Variants in PLEKHA7 observed in about 807,000 individuals in gnomAD.
The protein encoded by PLEKHA7 is pleckstrin homology domain-containing family A member 7.
PLEKHA7 carries 104 observed loss-of-function variants against 170.0 expected under a neutral mutation model. The ratio of observed to expected loss-of-function variants is 0.61; its 90% CI spans 0.52 to 0.72. PLEKHA7 has a LOEUF of 0.72. PLEKHA7 is among the 30% of genes least tolerant of loss of function. The probability of loss-of-function intolerance (pLI) is 0.00; values close to 1 mark genes in which losing one functional copy is unlikely to be tolerated. For synonymous variants in PLEKHA7, 648 were observed against 660.8 expected (o/e 0.98, Z 0.30); for missense variants, 1,615 against 1,671.7 (o/e 0.97, Z 0.59).
chr11:16,823,781 G>T (rs1307209369), intron 10 of PLEKHA7, among the ~76,000 whole-genome samples: 1 of 152,090 alleles, frequency 6.6e-6, no homozygotes, highest in Non-Finnish European at 1.5e-5. Flanking sequence ...TAACCGTCCA[G>T]TTGCTCAAGT....
intron 3 of PLEKHA7, among the ~76,000 whole-genome samples, chr11:16,950,424 G>A (rs895413540): frequency 5.9e-5 from 9 of 152,174 alleles, no homozygotes; most frequent in South Asian, 4.2e-4. Context: ...GAAACAAAGG[G>A]ATAAGAAGGC....
In PLEKHA7 at chr11:16,816,981, C is replaced by T. The variant is rs751582111; in HGVS notation, c.1685G>A (p.Arg562His). The T allele has an allele frequency of 5.6e-6, 9 of 1,607,418 alleles. No individual in the cohort carries two copies. Among genetic ancestry groups the T allele is most frequent in the Non-Finnish European group, 6.8e-6 (8 of 1,176,672 alleles). The change falls in exon 11 of 27, where the codon CGC becomes CAC. Residue 562 changes from arginine (R) to histidine (H), a missense_variant. By Grantham distance (29) the Arg-to-His change is conservative. Coordinates refer to ENST00000531066, the MANE Select transcript of PLEKHA7 (RefSeq NM_001329630.2). Reference protein sequence around the residue: ...GRSRSMLEVPRSISVPPSPSD... With the variant: ...GRSRSMLEVPHSISVPPSPSD... ...GGGAGATGGAGGCACAGAGATGGAGCGGGGCACCTCTAGCATGCTCCTGCT... is the reference window on the plus strand; with the variant it reads ...GGGAGATGGAGGCACAGAGATGGAGTGGGGCACCTCTAGCATGCTCCTGCT...
intron 3 of PLEKHA7, among the ~76,000 whole-genome samples, chr11:16,904,642 T>C (rs1857539487): frequency 6.6e-6 from 1 of 152,238 alleles, no homozygotes. Context: ...TTACTGCTTA[T>C]TTGTGGAAAA....
chr11:16,789,830 G>A lies in PLEKHA7; in HGVS notation c.3101C>T (p.Pro1034Leu), dbSNP rs1847709430. 6.2e-7 allele frequency: 1 copy of A among 1,614,030 alleles called. No individual in the cohort carries two copies. The highest frequency in any genetic ancestry group is 8.5e-7 in the Non-Finnish European group (1 of 1,180,008). Residue 1034 changes from proline (P) to leucine (L), a missense_variant, in exon 22 of 27, where the codon CCC becomes CTC. By Grantham distance (98) the Pro-to-Leu change is moderately conservative (BLOSUM62 -3). Transcript: ENST00000531066. The surrounding 1 kb of genome is among the most constrained non-coding windows in gnomAD (Gnocchi z 4.6). The stretch of plus-strand genomic sequence containing the variant: ...GAGACCCCTCCGGAGTGTGACGTAG[G>A]GAGCAATGGTGGACGACTGCTGGAG... ...SRLQQSSTIA[P>L]YVTLRRGLNA...
chr11:16,819,054 C>T (rs1297830189), intron 10 of PLEKHA7, among the ~76,000 whole-genome samples: 4 of 151,992 alleles, frequency 2.6e-5, no homozygotes, highest in South Asian at 2.1e-4. Flanking sequence ...CTGACCGCCT[C>T]GGCCTCCCAA....
rs570509351 is a variant in PLEKHA7, at chr11:16,983,456, C to T, written c.221+30533G>A. ...GGAGGTAGTGAGGAGGGATGCCCACCATGAAGTCTGGGAGGAGGAGGGCAG... is the reference window on the plus strand; with the variant it reads ...GGAGGTAGTGAGGAGGGATGCCCACTATGAAGTCTGGGAGGAGGAGGGCAG... On this transcript the variant is annotated intron_variant, in intron 3 of 26. Coordinates refer to ENST00000531066, the MANE Select transcript of PLEKHA7 (RefSeq NM_001329630.2). Among the ~76,000 whole-genome samples, 67 of 152,264 alleles carry T rather than the reference C, an allele frequency of 4.4e-4. No homozygotes were observed. In the East Asian group the frequency reaches 0.013, roughly 29 times the overall value.
At chr11:16,897,161 T>G (rs1857045485) in intron 3 of PLEKHA7, among the ~76,000 whole-genome samples, 1 of 152,200 alleles carries the variant, frequency 6.6e-6, no homozygotes, top group Non-Finnish European at 1.5e-5. Context: ...AGGTTAAGTC[T>G]TTCGCCCAAG....
intron 13 of PLEKHA7, among the ~76,000 whole-genome samples, chr11:16,805,185 C>T (rs1268675955): frequency 6.6e-6 from 1 of 152,130 alleles, no homozygotes; most frequent in African/African-American, 2.4e-5. Context: ...AAACTCTTCC[C>T]CTTATTTCAC....
intron 3 of PLEKHA7, among the ~76,000 whole-genome samples, chr11:17,010,183 T>A (rs1289866995): frequency 6.6e-6 from 1 of 150,902 alleles, no homozygotes; most frequent in Admixed American, 6.6e-5. Context: ...AGGTCAGGAG[T>A]TTGAGACCAG....
intron 3 of PLEKHA7, among the ~76,000 whole-genome samples, chr11:16,961,933 C>T (rs959266177): frequency 2.0e-5 from 3 of 152,184 alleles, no homozygotes; most frequent in Admixed American, 6.5e-5. Flanking sequence ...AAGGGTCTGG[C>T]ACATAGTAAG....
chr11:16,778,772 TC>T lies in PLEKHA7; in HGVS notation c.*225del, dbSNP rs1243870768. Reference sequence around the variant, plus strand: ...AATACAGTGTATTTTACAGTGTATATCAAAAGTGCCTTTGCCATTCATATGT... The same window carrying T: ...AATACAGTGTATTTTACAGTGTATATAAAAGTGCCTTTGCCATTCATATGT... On this transcript the variant is annotated 3_prime_UTR_variant, in exon 27 of 27. Transcript: ENST00000531066. 1.7e-6 allele frequency: 1 copy of T among 595,272 alleles called. No homozygotes were observed. 36.9% of individuals were successfully genotyped at this position (595,272 alleles called of 1,614,324 possible).
chr11:16,880,527 C>T (rs1855631710), intron 3 of PLEKHA7, among the ~76,000 whole-genome samples: 1 of 152,206 alleles, frequency 6.6e-6, no homozygotes, highest in Non-Finnish European at 1.5e-5. Context: ...ACATTGCAGA[C>T]TCCAGCATGT....
At position 16,782,250 on chromosome 11, in the gene PLEKHA7, C is replaced by T. The variant is rs553486008; in HGVS notation, c.3793+504G>A. The stretch of plus-strand genomic sequence containing the variant: ...AAAGTCCCACTTTCCAAGTCCTGTA[C>T]TTTCTGGCACAGTACACTGTGATGA... On this transcript the variant is annotated intron_variant, in intron 26 of 26. Transcript: ENST00000531066. 5.9e-5 allele frequency among the ~76,000 whole-genome samples: 9 copies of T among 152,196 alleles called. No homozygotes were observed. The South Asian group carries it at 1.4e-3, about 25-fold the overall frequency.
chr11:16,969,022 C>G (rs1334313882), intron 3 of PLEKHA7, among the ~76,000 whole-genome samples: 1 of 152,188 alleles, frequency 6.6e-6, no homozygotes, highest in Non-Finnish European at 1.5e-5. Flanking sequence ...TTTAATATAT[C>G]ATGAACCCAG....
At chr11:16,896,167 G>C (rs1217856906) in intron 3 of PLEKHA7, among the ~76,000 whole-genome samples, 3 of 152,122 alleles carry the variant, frequency 2.0e-5, no homozygotes, top group Non-Finnish European at 2.9e-5. Flanking sequence ...CTGTCTATTA[G>C]ACACTTCTTC....
chr11:16,810,722 A>G (rs1226522785), intron 13 of PLEKHA7, among the ~76,000 whole-genome samples: 1 of 152,218 alleles, frequency 6.6e-6, no homozygotes, highest in Admixed American at 6.5e-5. Context: ...CCCATCAAAT[A>G]TATTTCTTGG....
chr11:16,960,906 C>G (rs1361739716), intron 3 of PLEKHA7, among the ~76,000 whole-genome samples: 1 of 152,020 alleles, frequency 6.6e-6, no homozygotes, highest in Admixed American at 6.5e-5. Flanking sequence ...CTCCAGTTAC[C>G]CACAACTCCT....
intron 3 of PLEKHA7, among the ~76,000 whole-genome samples, chr11:16,894,054 C>T (rs147012816): frequency 6.6e-6 from 1 of 152,158 alleles, no homozygotes; most frequent in Non-Finnish European, 1.5e-5. Flanking sequence ...TACTGGTCCT[C>T]TAGCAATGGA....
chr11:16,795,002 T>C lies in PLEKHA7; in HGVS notation c.2426A>G (p.Gln809Arg), dbSNP rs200307477. 7.4e-6 allele frequency: 12 copies of C among 1,613,506 alleles called. No homozygotes were observed. The African/African-American group carries it at 9.3e-5, about 13-fold the overall frequency. ...ATCTTCAATTCTCCATAGATCTTTC[T>C]GTATCTGCGATTTCTCCTGAGGAAG... is the stretch of plus-strand genomic sequence containing the variant. ...AFFFQEKSQIQKDLWRIEDVT... is the reference protein window; with the variant it reads ...AFFFQEKSQIRKDLWRIEDVT... Residue 809 changes from glutamine to arginine, a missense_variant, in exon 18 of 27, where the codon CAG becomes CGG. Transcript: ENST00000531066.
Sources: gnomAD v4.1 joint callset for allele counts (sites outside exome capture counted in the v4.1 genomes callset) on GRCh38, gnomAD v4.1.1 for gene constraint, Gnocchi (gnomAD v3.1) non-coding constraint, MANE v1.5 for transcripts, NCBI Gene and HGNC (gene_info 2026-07-23, HGNC 2026-07-21) for gene names.